Variants in TLL1 observed in about 807,000 individuals in gnomAD.
The protein encoded by TLL1 is tolloid like 1, also known as tolloid-like protein 1.
TLL1 carries 49 observed loss-of-function variants against 128.2 expected under a neutral mutation model. That is an observed-to-expected ratio of 0.38 (90% CI 0.30 to 0.48). The LOEUF (loss-of-function observed/expected upper bound fraction) is 0.48, where lower values mean the gene tolerates loss of function less well. TLL1 is among the 20% of genes least tolerant of loss of function. The pLI is 0.96. For synonymous variants in TLL1, 454 were observed against 418.8 expected, an observed-to-expected ratio of 1.08 and a Z score of -1.03; for missense variants, 1,123 against 1,242.0, an observed-to-expected ratio of 0.90 and a Z score of 1.44.
intron 12 of TLL1, among the ~76,000 whole-genome samples, chr4:166,049,340 A>T (rs577543016): frequency 1.3e-5 from 2 of 152,302 alleles, no homozygotes; most frequent in African/African-American, 4.8e-5. Context: ...ATATTACGGC[A>T]TTCAAATCTT....
At chr4:165,971,827 C>T (rs1735640855) in intron 1 of TLL1, among the ~76,000 whole-genome samples, 1 of 152,152 alleles carries the variant, frequency 6.6e-6, no homozygotes, top group Non-Finnish European at 1.5e-5. Context: ...TGTCCTGTCT[C>T]TTTTTGGAGG....
intron 5 of TLL1, among the ~76,000 whole-genome samples, chr4:165,999,320 A>C (rs1737038694): frequency 6.6e-6 from 1 of 152,216 alleles, no homozygotes; most frequent in Admixed American, 6.5e-5. Flanking sequence ...AAAAAGGTTT[A>C]ATTTATTCAC....
At chr4:166,098,811 G>T (rs747494204) in intron 19 of TLL1, among the ~76,000 whole-genome samples, 1 of 151,984 alleles carries the variant, frequency 6.6e-6, no homozygotes, top group Non-Finnish European at 1.5e-5. Flanking sequence ...TTCTTAAATT[G>T]TTACGATTAA....
intron 14 of TLL1, 33 bp from the exon 15 acceptor site, chr4:166,059,995 G>A (rs1489539287): frequency 3.7e-6 from 6 of 1,612,278 alleles, no homozygotes; most frequent in African/African-American, 1.3e-5. Flanking sequence ...ACTTCATGGG[G>A]AGAATATACC....
intron 1 of TLL1, among the ~76,000 whole-genome samples, chr4:165,923,727 A>C (rs1733150489): frequency 6.6e-6 from 1 of 151,936 alleles, no homozygotes; most frequent in African/African-American, 2.4e-5. Context: ...GAGCCACTGC[A>C]CCTGGCTGGT....
At position 165,932,299 on chromosome 4, in the gene TLL1, C is replaced by T. The variant is rs76006599; in HGVS notation, c.170-57082C>T. On this transcript the variant is annotated intron_variant, in intron 1 of 20. Transcript: ENST00000061240. ...TGAAAACGCTGTGTGACTTGTTCCA[C>T]ATAGCACCATCTCTTCCAGGTTGTT... Among the ~76,000 whole-genome samples the T allele has an allele frequency of 9.3e-3, 1,414 of 152,326 alleles. 22 individuals are homozygous for T. The highest frequency in any genetic ancestry group is 0.033 in the African/African-American group (1,351 of 41,568).
intron 1 of TLL1, among the ~76,000 whole-genome samples, chr4:165,965,216 AAT>A (rs1735310277): frequency 6.6e-6 from 1 of 152,114 alleles, no homozygotes; most frequent in African/African-American, 2.4e-5. Context: ...GAAAAGACAT[AAT>A]ATGTTTCTTT....
At chr4:165,951,313 G>A (rs1454220782) in intron 1 of TLL1, among the ~76,000 whole-genome samples, 1 of 152,056 alleles carries the variant, frequency 6.6e-6, no homozygotes, top group Non-Finnish European at 1.5e-5. Context: ...TAAGGAATTC[G>A]AATGAGAAAA....
intron 1 of TLL1, among the ~76,000 whole-genome samples, chr4:165,935,133 G>C (rs1171586847): frequency 1.3e-5 from 2 of 152,184 alleles, no homozygotes; most frequent in Non-Finnish European, 2.9e-5. Flanking sequence ...CACATAAGGA[G>C]ATGGAAAATC....
intron 1 of TLL1, among the ~76,000 whole-genome samples, chr4:165,943,750 T>A (rs1163012241): frequency 3.9e-5 from 6 of 152,108 alleles, no homozygotes; most frequent in African/African-American, 1.2e-4. Context: ...GCTGCTAAAT[T>A]AGATTGGAGT....
intron 19 of TLL1, among the ~76,000 whole-genome samples, chr4:166,093,352 T>G (rs772945291): frequency 3.9e-5 from 6 of 152,144 alleles, no homozygotes. Flanking sequence ...TGTGTCACAA[T>G]TAAGTTCAAG....
chr4:165,970,777 T>C (rs963410482), intron 1 of TLL1, among the ~76,000 whole-genome samples: 1 of 152,188 alleles, frequency 6.6e-6, no homozygotes, highest in Non-Finnish European at 1.5e-5. Flanking sequence ...TTAAGGACTG[T>C]TGGAAACAGG....
rs1231102620 is a variant in TLL1, at chr4:165,974,408, G to A, written c.170-14973G>A. ...GCCCGCCTCGGCCTCCCAAAGTGCT[G>A]GGATTACAGGCGTGAGCCACCGCGC... On this transcript the variant is annotated intron_variant, in intron 1 of 20. Coordinates refer to ENST00000061240, the MANE Select transcript of TLL1 (RefSeq NM_012464.5). Among the ~76,000 whole-genome samples the A allele has an allele frequency of 3.1e-5, 4 of 130,814 alleles. 1 individual carries two copies. Among genetic ancestry groups the A allele is most frequent in the African/African-American group, 1.8e-4 (4 of 21,846 alleles). 85.8% of individuals were successfully genotyped at this position (130,814 alleles called of 152,430 possible).
At chr4:165,942,265 C>A (rs1431094082) in intron 1 of TLL1, among the ~76,000 whole-genome samples, 1 of 150,506 alleles carries the variant, frequency 6.6e-6, no homozygotes, top group Non-Finnish European at 1.5e-5. Context: ...AGGTGCTTCC[C>A]ACCACCCTCC....
At chr4:166,023,817 T>C (rs895173681) in intron 8 of TLL1, among the ~76,000 whole-genome samples, 1 of 152,220 alleles carries the variant, frequency 6.6e-6, no homozygotes, top group Admixed American at 6.5e-5. Context: ...ATTTATTTAA[T>C]TGTACTTGAG....
chr4:165,897,464 A>G (rs1286915639), intron 1 of TLL1, among the ~76,000 whole-genome samples: 1 of 152,118 alleles, frequency 6.6e-6, no homozygotes, highest in Non-Finnish European at 1.5e-5. Flanking sequence ...TTTTCCCAAC[A>G]CCATTTATTA....
At chr4:166,054,429 T>C (rs1739903768) in intron 12 of TLL1, among the ~76,000 whole-genome samples, 1 of 152,086 alleles carries the variant, frequency 6.6e-6, no homozygotes, top group South Asian at 2.1e-4. Flanking sequence ...TTTTTTTTTA[T>C]TATACTTTAA....
chr4:166,059,876 C>T, intron 14 of TLL1, 152 bp from the exon 15 acceptor site: 1 of 883,348 alleles, frequency 1.1e-6, no homozygotes, highest in Non-Finnish European at 1.8e-6. Context: ...TGTATCAAGA[C>T]TAAGGAGCAG....
intron 1 of TLL1, chr4:165,919,880 G>C (rs746079434): frequency 2.2e-6 from 1 of 454,598 alleles, no homozygotes. Context: ...TGGGCTGCCC[G>C]AGCCCTTGAA....
Sources: gnomAD v4.1 joint callset for allele counts (sites outside exome capture counted in the v4.1 genomes callset) on GRCh38, gnomAD v4.1.1 for gene constraint, MANE v1.5 for transcripts, NCBI Gene and HGNC (gene_info 2026-07-23, HGNC 2026-07-21) for gene names.